Variants in CSPP1 observed in about 807,000 individuals in gnomAD.
CSPP1 encodes centrosome and spindle pole-associated protein 1.
Under a neutral mutation model 164.4 loss-of-function variants are expected in CSPP1, and 126 were observed. That is an observed-to-expected ratio of 0.77 (90% CI 0.66 to 0.89). The LOEUF (loss-of-function observed/expected upper bound fraction) is 0.89. Among genes scored for constraint, CSPP1 ranks in the 40% least tolerant of loss-of-function variants. The pLI, the probability that CSPP1 is intolerant of heterozygous loss-of-function variation, is 0.00. For synonymous variants in CSPP1, 472 were observed against 476.7 expected (o/e 0.99, Z 0.13); for missense variants, 1,395 against 1,449.8 (o/e 0.96, Z 0.61).
At chr8:67,195,272 G>C in intron 30 of CSPP1, 110 bp from the exon 31 acceptor site, 1 of 766,558 alleles carries the variant, frequency 1.3e-6, no homozygotes, top group South Asian at 1.5e-5. Context: ...CAGGATATGA[G>C]ACTGTGGGGA....
rs1045070965 is a variant in CSPP1, at chr8:67,190,760, G to C, written c.3330+1G>C. ...GAACAAATGGAAAGGACTAGACATT[G>C]TATGTATGAGACTTTTCTCCCCCTT... On this transcript the variant is annotated splice_donor_variant, in intron 29 of 30. Transcript: ENST00000678616. LOFTEE classifies it high-confidence loss of function. 1.9e-6 allele frequency: 3 copies of C among 1,591,610 alleles called. No individual in the cohort carries two copies. The highest frequency in any genetic ancestry group is 1.7e-6 in the Non-Finnish European group (2 of 1,159,434).
rs201096240 is a variant in CSPP1 at position 67,165,232 on chromosome 8, C to T, written c.2828+724C>T. 3.4e-4 allele frequency among the ~76,000 whole-genome samples: 52 copies of T among 151,732 alleles called. No individual in the cohort carries two copies. The East Asian group carries it at 8.7e-3, about 26-fold the overall frequency. Reference sequence around the variant, plus strand: ...CCAGGAGGCGGAGGTTGCAGTGAGCCGAGATCACACCACTGCACTCCAGCC... The same window carrying T: ...CCAGGAGGCGGAGGTTGCAGTGAGCTGAGATCACACCACTGCACTCCAGCC... On this transcript the variant is annotated intron_variant, in intron 24 of 30. Coordinates refer to ENST00000678616, the MANE Select transcript of CSPP1 (RefSeq NM_001382391.1).
chr8:67,154,689 C>T (rs189883859), intron 19 of CSPP1, among the ~76,000 whole-genome samples: 12 of 151,966 alleles, frequency 7.9e-5, no homozygotes, highest in South Asian at 2.1e-4. Context: ...TTAATAGAGA[C>T]GGGATGTCAC....
chr8:67,118,271 C>T lies in CSPP1; in HGVS notation c.1520C>T (p.Pro507Leu). Residue 507 changes from proline to leucine, a missense_variant, in exon 14 of 31, where the codon CCC becomes CTC. By Grantham distance (98) the Pro-to-Leu change is moderately conservative. Transcript: ENST00000678616. ...AGGATTGCACCTCTGCCTCCACCTC[C>T]CCTACTACCACCTTTGGCTACTAAC... ...SPRIAPLPPPPLLPPLATNYR... is the reference protein window; with the variant it reads ...SPRIAPLPPPLLLPPLATNYR... 2.5e-6 allele frequency: 4 copies of T among 1,613,672 alleles called. No individual in the cohort carries two copies. The highest frequency in any genetic ancestry group is 3.4e-6 in the Non-Finnish European group (4 of 1,179,668).
chr8:67,068,847 AC>A (rs1806123694), intron 1 of CSPP1, among the ~76,000 whole-genome samples: 1 of 152,238 alleles, frequency 6.6e-6, no homozygotes, highest in Non-Finnish European at 1.5e-5. Flanking sequence ...GTCTCCAAAC[AC>A]AGACAAAACG....
Position 67,158,600 on chromosome 8 carries a change from C to T in CSPP1, c.2391+4C>T, listed in dbSNP as rs1386044696. 4 of 1,574,930 alleles carry T rather than the reference C, an allele frequency of 2.5e-6. No homozygotes were observed. The highest frequency in any genetic ancestry group is 1.2e-5 in the South Asian group (1 of 85,284). On this transcript the variant is annotated splice_donor_region_variant and intron_variant, in intron 20 of 30. Coordinates refer to ENST00000678616, the MANE Select transcript of CSPP1 (RefSeq NM_001382391.1). ...GAAAAGAGAGAAAGAGGAGGAGGTACATCTTTTTTCCCTATTGTATTTTAC... is the reference window on the plus strand; with the variant it reads ...GAAAAGAGAGAAAGAGGAGGAGGTATATCTTTTTTCCCTATTGTATTTTAC...
At chr8:67,137,760 C>CA (rs1392901461) in intron 17 of CSPP1, among the ~76,000 whole-genome samples, 157 bp downstream of exon 17, 1 of 152,070 alleles carries the variant, frequency 6.6e-6, no homozygotes, top group African/African-American at 2.4e-5. Context: ...AATATAATAA[C>CA]AGAGGCTAGA....
intron 18 of CSPP1, among the ~76,000 whole-genome samples, chr8:67,151,101 G>A (rs997727974): frequency 2.6e-5 from 4 of 152,164 alleles, no homozygotes; most frequent in African/African-American, 9.7e-5. Context: ...TTTGATGGTA[G>A]CACACTTATC....
At chr8:67,159,828 C>CCT (rs1554605032) in intron 21 of CSPP1, among the ~76,000 whole-genome samples, 1 of 134,094 alleles carries the variant, frequency 7.5e-6, no homozygotes, top group African/African-American at 3.1e-5. Context: ...GGCCTTCTCT[C>CCT]TCTTTCTTTC....
At position 67,069,782 on chromosome 8, in the gene CSPP1, C is replaced by T. The variant is rs1806334998; in HGVS notation, c.-10-4461C>T. Among the ~76,000 whole-genome samples the T allele has an allele frequency of 6.6e-6, 1 of 151,768 alleles. No homozygotes were observed. The highest frequency in any genetic ancestry group is 1.9e-4 in the East Asian group (1 of 5,144). ...CAAGCGATTCTCCTGCCTCAGTGTC[C>T]CCCGGTAGTTGGGATTACAGGTATA... On this transcript the variant is annotated intron_variant, in intron 1 of 30. Coordinates refer to ENST00000678616, the MANE Select transcript of CSPP1 (RefSeq NM_001382391.1).
intron 29 of CSPP1, among the ~76,000 whole-genome samples, chr8:67,193,055 A>G (rs1255304262): frequency 1.3e-5 from 2 of 152,204 alleles, no homozygotes; most frequent in East Asian, 3.9e-4. Context: ...CGTGCTCTAT[A>G]TTTTCATGTT....
chr8:67,088,748 T>G (rs1054781018), intron 4 of CSPP1, among the ~76,000 whole-genome samples: 2 of 151,402 alleles, frequency 1.3e-5, no homozygotes, highest in African/African-American at 4.8e-5. Context: ...TACAAAAAAA[T>G]TAGCCTGGCG....
chr8:67,176,824 C>T (rs530495591), intron 26 of CSPP1, among the ~76,000 whole-genome samples: 10 of 152,204 alleles, frequency 6.6e-5, no homozygotes, highest in East Asian at 5.8e-4. Flanking sequence ...GTAATCCCAG[C>T]GCTTTGGGAG....
chr8:67,184,282 G>C (rs1406746555), intron 28 of CSPP1, among the ~76,000 whole-genome samples: 1 of 152,142 alleles, frequency 6.6e-6, no homozygotes, highest in Non-Finnish European at 1.5e-5. Context: ...TAAATCCAAA[G>C]TAAGCAGAAG....
chr8:67,071,375 T>G (rs796972009), intron 1 of CSPP1, among the ~76,000 whole-genome samples: 20 of 131,970 alleles, frequency 1.5e-4, no homozygotes, highest in South Asian at 1.4e-3. Flanking sequence ...ATTCCCTCTG[T>G]TTTTTTTTTT....
chr8:67,152,964 G>A (rs1017193889), intron 18 of CSPP1, among the ~76,000 whole-genome samples: 4 of 152,168 alleles, frequency 2.6e-5, no homozygotes, highest in East Asian at 1.9e-4. Flanking sequence ...TTTGGAGGCC[G>A]AGGCGGGCGG....
chr8:67,147,956 TCA>T (rs752264841), intron 17 of CSPP1, among the ~76,000 whole-genome samples: 75 of 152,142 alleles, frequency 4.9e-4, no homozygotes, highest in Non-Finnish European at 9.8e-4. Context: ...TCTCACTCTG[TCA>T]CCCAGCCTGA....
chr8:67,095,526 G>T lies in CSPP1; in HGVS notation c.717G>T (p.Val239=). The T allele has an allele frequency of 1.2e-6, 2 of 1,613,554 alleles. No individual in the cohort carries two copies. Among genetic ancestry groups the T allele is most frequent in the Non-Finnish European group, 1.7e-6 (2 of 1,179,826 alleles). ...TTATTAAAAAAGCAAATGAAGAAGT[G>T]GGCATTTCCAACCTAAAACATCAAA... ...RRIIKKANEE[V]GISNLKHQRF... is the part of the protein sequence containing the mutation. Residue 239 remains valine (V), a synonymous_variant, in exon 7 of 31, where the codon GTG becomes GTT. Coordinates refer to ENST00000678616, the MANE Select transcript of CSPP1 (RefSeq NM_001382391.1).
rs547410402 is a variant in CSPP1 at position 67,095,276 on chromosome 8, C to T, written c.484-17C>T. 16 of 1,493,018 alleles carry T rather than the reference C, an allele frequency of 1.1e-5. No individual in the cohort carries two copies. Among genetic ancestry groups the T allele is most frequent in the African/African-American group, 1.4e-5 (1 of 70,888 alleles). The allele number at this position is 1,493,018 out of a possible 1,614,324, so 92.5% of individuals were successfully genotyped here. On this transcript the variant is annotated splice_polypyrimidine_tract_variant and intron_variant, in intron 6 of 30. Coordinates refer to ENST00000678616, the MANE Select transcript of CSPP1 (RefSeq NM_001382391.1). The stretch of plus-strand genomic sequence containing the variant: ...TCTTGTCAAGTTTTGTTTCTTTTTT[C>T]TTTTTTAATTGAACAGCCCAAGAGT...
Sources: allele counts gnomAD v4.1 joint callset (sites outside exome capture counted in the v4.1 genomes callset), GRCh38; gene constraint gnomAD v4.1.1; transcripts MANE v1.5; gene names NCBI Gene and HGNC (gene_info 2026-07-23, HGNC 2026-07-21).